MTOR: variants seen among roughly 807,000 people sequenced by gnomAD.
MTOR encodes mechanistic target of rapamycin kinase, also known as serine/threonine-protein kinase mTOR.
MTOR carries 70 observed loss-of-function variants against 319.8 expected under a neutral mutation model. The ratio of observed to expected loss-of-function variants is 0.22; its 90% CI spans 0.18 to 0.27. MTOR has a LOEUF of 0.27. Ranked by LOEUF, MTOR falls within the 10% of genes least tolerant of loss-of-function variation. The pLI, the probability that MTOR is intolerant of heterozygous loss-of-function variation, is 1.00. For synonymous variants in MTOR, 1,183 were observed against 1,211.4 expected (o/e 0.98, Z 0.49); for missense variants, 1,890 against 3,274.4 (o/e 0.58, Z 10.32).
At chr1:11,211,029 T>C (rs900487396) in intron 23 of MTOR, 123 bp from the exon 24 acceptor site, 1 of 617,904 alleles carries the variant, frequency 1.6e-6, no homozygotes. Flanking sequence ...AGCTCTGTGA[T>C]ATTCAAAAGA....
At chr1:11,202,742 C>T (rs1381542548) in intron 26 of MTOR, among the ~76,000 whole-genome samples, 4 of 151,782 alleles carry the variant, frequency 2.6e-5, no homozygotes, top group South Asian at 2.1e-4. Flanking sequence ...AGTGAGACCT[C>T]GTCTCTACAA....
At position 11,231,035 on chromosome 1, in the gene MTOR, A is replaced by C; in HGVS notation, c.2669T>G (p.Leu890Arg). The C allele has an allele frequency of 6.2e-7, 1 of 1,614,180 alleles. No individual in the cohort carries two copies. Among genetic ancestry groups the C allele is most frequent in the Non-Finnish European group, 8.5e-7 (1 of 1,180,020 alleles). Reference sequence around the variant, plus strand: ...CTTGTAAGGATCCAAAGCCCCTAAAAGCCCTAACACACGGATGGCCTGCGT... The same window carrying C: ...CTTGTAAGGATCCAAAGCCCCTAAACGCCCTAACACACGGATGGCCTGCGT... ...TRREAIRVLG[L>R]LGALDPYKHK... Residue 890 changes from leucine (L) to arginine (R), a missense_variant, in exon 18 of 58, where the codon CTT becomes CGT. Physicochemically the swap from Leu to Arg is moderately radical, Grantham distance 102. Around this residue, in one of 15 missense-constraint regions of MTOR, gnomAD observed 377 missense variants for 653.9 expected, o/e 0.58. Coordinates refer to ENST00000361445, the MANE Select transcript of MTOR (RefSeq NM_004958.4).
At chr1:11,245,977 G>A (rs752282782) in intron 8 of MTOR, among the ~76,000 whole-genome samples, 5 of 152,208 alleles carry the variant, frequency 3.3e-5, no homozygotes, top group Non-Finnish European at 5.9e-5. Context: ...AAATCTGACT[G>A]TAGAGATTCT....
In MTOR at chr1:11,120,520, GA is replaced by G. The variant is rs759905739; in HGVS notation, c.6933+725del. ...GCCACTGCACTCCAGCCTGGGCGGG[GA>G]AAAAAAAAAAAAAAGAGATGGAGTC... is the stretch of plus-strand genomic sequence containing the variant. On this transcript the variant is annotated intron_variant, in intron 49 of 57. Transcript: ENST00000361445. Among the ~76,000 whole-genome samples the G allele has an allele frequency of 2.4e-3, 335 of 137,032 alleles. 1 individual carries two copies. Among genetic ancestry groups the G allele is most frequent in the Middle Eastern group, 0.011 (3 of 276 alleles). The allele number at this position is 137,032 out of a possible 152,430, so 89.9% of individuals were successfully genotyped here. A position where few individuals can be genotyped will look rare whatever the true frequency, so the allele number is the denominator to read the frequency against.
intron 28 of MTOR, among the ~76,000 whole-genome samples, chr1:11,178,270 C>T (rs913884022): frequency 6.6e-6 from 1 of 152,208 alleles, no homozygotes; most frequent in Non-Finnish European, 1.5e-5. Flanking sequence ...TTTGACTCAC[C>T]GTCTCCAGGC....
rs549865397 is a variant in MTOR at position 11,141,950 on chromosome 1, G to T, written c.4873-2292C>A. Reference sequence around the variant, plus strand: ...TGGGAGGCGGAGCTTGCAGTAAGCCGAGATCGTGCCACTGCACTCCAGACT... The same window carrying T: ...TGGGAGGCGGAGCTTGCAGTAAGCCTAGATCGTGCCACTGCACTCCAGACT... On this transcript the variant is annotated intron_variant, in intron 34 of 57. Coordinates refer to ENST00000361445, the MANE Select transcript of MTOR (RefSeq NM_004958.4). Among the ~76,000 whole-genome samples, 275 of 151,656 alleles carry T rather than the reference G, an allele frequency of 1.8e-3. 2 individuals carry two copies. The highest frequency in any genetic ancestry group is 5.2e-3 in the South Asian group (25 of 4,820).
At chr1:11,140,408 C>T (rs994313418) in intron 34 of MTOR, among the ~76,000 whole-genome samples, 4 of 152,264 alleles carry the variant, frequency 2.6e-5, no homozygotes, top group Non-Finnish European at 4.4e-5. Context: ...GTTCATAATA[C>T]GGTTCATGCT....
At chr1:11,253,554 C>T (rs1403228105) in intron 6 of MTOR, among the ~76,000 whole-genome samples, 1 of 152,122 alleles carries the variant, frequency 6.6e-6, no homozygotes, top group East Asian at 1.9e-4. Context: ...AGTCCCCCGG[C>T]CTGCTGCAAG....
At chr1:11,229,887 G>A (rs531589010) in intron 18 of MTOR, among the ~76,000 whole-genome samples, 85 of 152,168 alleles carry the variant, frequency 5.6e-4, no homozygotes, top group African/African-American at 2.0e-3. Flanking sequence ...TGAAGCAGGA[G>A]GATCACTTGA....
At chr1:11,208,692 A>G (rs1308714319) in intron 25 of MTOR, among the ~76,000 whole-genome samples, 1 of 152,230 alleles carries the variant, frequency 6.6e-6, no homozygotes, top group African/African-American at 2.4e-5. Flanking sequence ...ATGCTTTGAA[A>G]CTGCCTGTTT....
Position 11,107,185 on chromosome 1 carries a change from C to G in MTOR, c.*300G>C. The G allele has an allele frequency of 7.2e-7, 1 of 1,385,660 alleles. No individual in the cohort carries two copies. The highest frequency in any genetic ancestry group is 9.5e-7 in the Non-Finnish European group (1 of 1,055,064). 85.8% of individuals were successfully genotyped at this position (1,385,660 alleles called of 1,614,324 possible). On this transcript the variant is annotated 3_prime_UTR_variant, in exon 58 of 58. Coordinates refer to ENST00000361445, the MANE Select transcript of MTOR (RefSeq NM_004958.4). Reference sequence around the variant, plus strand: ...AGTTCTCTTGTGAGTTAAGTCAAAACCCGTATTTCTAAAGTTATGGATCTT... The same window carrying G: ...AGTTCTCTTGTGAGTTAAGTCAAAAGCCGTATTTCTAAAGTTATGGATCTT...
intron 54 of MTOR, chr1:11,111,876 T>C (rs1049593672): frequency 4.0e-5 from 6 of 150,662 alleles, no homozygotes; most frequent in African/African-American, 1.5e-4. Context: ...AGGGTGTTGC[T>C]AAATGTCACG....
rs1645903678 is a variant in MTOR at position 11,199,876 on chromosome 1, C to G, written c.3945-173G>C. 6.6e-6 allele frequency among the ~76,000 whole-genome samples: 1 copy of G among 152,202 alleles called. No homozygotes were observed. Among genetic ancestry groups the G allele is most frequent in the Non-Finnish European group, 1.5e-5 (1 of 68,038 alleles). On this transcript the variant is annotated intron_variant, in intron 26 of 57. Coordinates refer to ENST00000361445, the MANE Select transcript of MTOR (RefSeq NM_004958.4). The surrounding 1 kb of genome is among the most constrained non-coding windows in gnomAD (Gnocchi z 4.5). ...CCTGTCCAATATGGTAGCCAGTGAT[C>G]ACTAAAGCACTTGAACTGTGGCAAG... is the stretch of plus-strand genomic sequence containing the variant.
chr1:11,234,369 C>T, intron 13 of MTOR, 104 bp from the exon 14 acceptor site: 1 of 1,339,096 alleles, frequency 7.5e-7, no homozygotes, highest in East Asian at 2.3e-5. Context: ...AAAACCCAGA[C>T]CTCCACGACA....
Position 11,139,129 on chromosome 1 carries a change from A to G in MTOR, c.5130+175T>C, listed in dbSNP as rs546862086. 24 of 782,806 alleles carry G rather than the reference A, an allele frequency of 3.1e-5. No individual in the cohort carries two copies. In the East Asian group the frequency reaches 5.7e-4, roughly 19 times the overall value. The allele number at this position is 782,806 out of a possible 1,614,324, so 48.5% of individuals were successfully genotyped here. Reference sequence around the variant, plus strand: ...TGGTATACACACCATCTCCTCAACTATGATTCACTCTATGAAATCAGGCCA... The same window carrying G: ...TGGTATACACACCATCTCCTCAACTGTGATTCACTCTATGAAATCAGGCCA... On this transcript the variant is annotated intron_variant, in intron 36 of 57. Transcript: ENST00000361445.
rs1170972361 is a variant in MTOR, at chr1:11,157,234, A to G, written c.4387T>C (p.Tyr1463His). Residue 1463 changes from tyrosine (Y) to histidine (H), a missense_variant, in exon 30 of 58, where the codon TAT becomes CAT. Tyr to His is a moderately conservative substitution (Grantham distance 83, BLOSUM62 2). This residue lies in a region of MTOR where 276 missense variants were observed against 459.4 expected (regional missense o/e 0.60). Coordinates refer to ENST00000361445, the MANE Select transcript of MTOR (RefSeq NM_004958.4). ...LHEWEDALVA[Y>H]DKKMDTNKDD... ...TTGTTGGTGTCCATTTTCTTGTCAT[A>G]GGCCACAAGGGCATCCTCCCACTCG... The G allele has an allele frequency of 2.5e-6, 4 of 1,614,024 alleles. No individual in the cohort carries two copies. Among genetic ancestry groups the G allele is most frequent in the Non-Finnish European group, 3.4e-6 (4 of 1,180,002 alleles).
chr1:11,207,824 T>C (rs1328679225), intron 25 of MTOR, among the ~76,000 whole-genome samples: 1 of 152,100 alleles, frequency 6.6e-6, no homozygotes, highest in Non-Finnish European at 1.5e-5. Context: ...ATGAAATAGA[T>C]CTGAGAGTGA....
Position 11,127,703 on chromosome 1 carries a change from C to T in MTOR, c.6137G>A (p.Gly2046Asp), listed in dbSNP as rs2100407854. 1 of 1,614,140 alleles carries T rather than the reference C, an allele frequency of 6.2e-7. No homozygotes were observed. Among genetic ancestry groups the T allele is most frequent in the Non-Finnish European group, 8.5e-7 (1 of 1,180,030 alleles). The change falls in exon 44 of 58, where the codon GGC (glycine) becomes GAC (aspartate). Residue 2046 changes from glycine (G) to aspartate (D), a missense_variant. Physicochemically the swap from Gly to Asp is moderately conservative, Grantham distance 94. Transcript: ENST00000361445. The surrounding 1 kb of genome is among the most constrained non-coding windows in gnomAD (Gnocchi z 5.5). ...RLYFGERNVKGMFEVLEPLHA... is the reference protein window; with the variant it reads ...RLYFGERNVKDMFEVLEPLHA... ...CAAGGGCTCCAGCACCTCAAACATG[C>T]CTTTCACGTTCCTTTCCCCAAAGTA...
At chr1:11,149,985 G>A (rs1644081465) in intron 31 of MTOR, 141 bp downstream of exon 31, 1 of 604,228 alleles carries the variant, frequency 1.7e-6, no homozygotes, top group South Asian at 2.2e-5. Flanking sequence ...GATGGAAGGT[G>A]TAGAAGTAGG....
Sources: gnomAD v4.1 joint callset for allele counts (sites outside exome capture counted in the v4.1 genomes callset) on GRCh38, gnomAD v4.1.1 for gene constraint, gnomAD v4.1.1 regional missense constraint, Gnocchi (gnomAD v3.1) non-coding constraint, MANE v1.5 for transcripts, NCBI Gene and HGNC (gene_info 2026-07-23, HGNC 2026-07-21) for gene names.